The following GPHN variants were observed in gnomAD, a reference collection of about 807,000 sequenced individuals.
GPHN encodes gephyrin.
In GPHN, 17 loss-of-function variants were observed where a neutral mutation model predicts 95.5. The ratio of observed to expected loss-of-function variants is 0.18; its 90% confidence interval spans 0.12 to 0.27. The LOEUF (loss-of-function observed/expected upper bound fraction) is 0.27. Ranked by LOEUF, GPHN falls within the 10% of genes least tolerant of loss-of-function variation. GPHN has a pLI of 1.00. For missense variants in GPHN, 660 were observed against 978.1 expected, an observed-to-expected ratio of 0.67 and a Z score of 4.34; for synonymous variants, 320 against 322.5, an observed-to-expected ratio of 0.99 and a Z score of 0.08.
Position 67,100,925 on chromosome 14 carries a change from G to A in GPHN, c.1293+14G>A. On this transcript the variant is annotated intron_variant, in intron 13 of 22. Transcript: ENST00000478722. ...GCTGGTGAACAGGTGAGATTGATAG[G>A]CCTGAAAGGCACTGAAGATTTCAGC... 4 of 1,495,172 alleles carry A rather than the reference G, an allele frequency of 2.7e-6. No individual in the cohort carries two copies. The highest frequency in any genetic ancestry group is 3.7e-6 in the Non-Finnish European group (4 of 1,071,322). The allele number at this position is 1,495,172 out of a possible 1,614,324, so 92.6% of individuals were successfully genotyped here. A position where few individuals can be genotyped will look rare whatever the true frequency, so the allele number is the denominator to read the frequency against.
chr14:67,373,958 A>C, the GPHN span, among the ~76,000 whole-genome samples: 6 of 152,228 alleles, frequency 3.9e-5, no homozygotes, highest in Non-Finnish European at 8.8e-5. Flanking sequence ...AGGAAGAAAT[A>C]GGGGAAAGAT....
At chr14:66,591,696 A>G (rs979133329) in intron 1 of GPHN, among the ~76,000 whole-genome samples, 2 of 152,164 alleles carry the variant, frequency 1.3e-5, no homozygotes, top group Non-Finnish European at 2.9e-5. Context: ...CTCATGGATA[A>G]GAAGAATCAA....
chr14:67,333,390 G>A, the GPHN span: 1 of 153,682 alleles, frequency 6.5e-6, no homozygotes, highest in Non-Finnish European at 1.5e-5. Flanking sequence ...TTGAGCAGAG[G>A]GACTGTGCTT....
intron 2 of GPHN, among the ~76,000 whole-genome samples, chr14:66,749,223 T>C (rs766419379): frequency 5.5e-4 from 84 of 152,038 alleles, no homozygotes; most frequent in Non-Finnish European, 8.5e-4. Flanking sequence ...AAGAAATGAG[T>C]TGTTTATCAT....
the GPHN span, among the ~76,000 whole-genome samples, chr14:67,554,135 G>A: frequency 3.9e-5 from 6 of 152,292 alleles, no homozygotes; most frequent in East Asian, 7.7e-4. Flanking sequence ...AAAAATGGAT[G>A]AGGGAAGGCC....
the GPHN span, chr14:67,241,115 G>A: frequency 1.3e-5 from 2 of 152,248 alleles, no homozygotes; most frequent in South Asian, 4.1e-4. Flanking sequence ...CCGCGTTTTA[G>A]ACTTAGAGGC....
chr14:67,301,253 A>C, the GPHN span: 491 of 484,904 alleles, frequency 1.0e-3, 1 homozygote, highest in Middle Eastern at 6.3e-3. Context: ...AAACTCTAAT[A>C]ATTCTTTTTA....
At chr14:66,844,719 T>G (rs2062246803) in intron 4 of GPHN, among the ~76,000 whole-genome samples, 2 of 152,124 alleles carry the variant, frequency 1.3e-5, no homozygotes, top group South Asian at 4.1e-4. Flanking sequence ...TTTTTAAAAT[T>G]TTGGTAAAAT....
chr14:67,697,773 C>G, the GPHN span, among the ~76,000 whole-genome samples: 1 of 152,126 alleles, frequency 6.6e-6, no homozygotes, highest in African/African-American at 2.4e-5. Flanking sequence ...AATCCAGTTT[C>G]TTGGTAAGGG....
the GPHN span, among the ~76,000 whole-genome samples, chr14:67,619,594 C>T: frequency 6.6e-6 from 1 of 152,258 alleles, no homozygotes; most frequent in Non-Finnish European, 1.5e-5. Context: ...TCCTGCGTTC[C>T]GCCAAGTTCA....
chr14:67,255,850 G>A, the GPHN span, among the ~76,000 whole-genome samples: 1 of 152,060 alleles, frequency 6.6e-6, no homozygotes, highest in African/African-American at 2.4e-5. Context: ...ACTATGCCTG[G>A]CTAATTTTGT....
chr14:67,401,312 C>A, the GPHN span, among the ~76,000 whole-genome samples: 4 of 151,890 alleles, frequency 2.6e-5, no homozygotes, highest in South Asian at 2.1e-4. Flanking sequence ...CATAGGAAGA[C>A]CTCATCTCTA....
At chr14:67,394,401 A>G in the GPHN span, among the ~76,000 whole-genome samples, 2 of 151,990 alleles carry the variant, frequency 1.3e-5, no homozygotes, top group Admixed American at 1.3e-4. Context: ...GTCCCCAAAA[A>G]AGAAAAACAA....
At chr14:67,410,769 G>GT in the GPHN span, among the ~76,000 whole-genome samples, 1 of 152,190 alleles carries the variant, frequency 6.6e-6, no homozygotes, top group African/African-American at 2.4e-5. Context: ...AAACTCAGTA[G>GT]AAGAACCAGA....
At chr14:67,417,946 G>C in the GPHN span, among the ~76,000 whole-genome samples, 1 of 151,048 alleles carries the variant, frequency 6.6e-6, no homozygotes, top group East Asian at 2.0e-4. Context: ...AGGTCTCCCT[G>C]TGTTGCCCAG....
intron 2 of GPHN, among the ~76,000 whole-genome samples, chr14:66,682,121 C>T (rs958721572): frequency 1.3e-5 from 2 of 152,092 alleles, no homozygotes; most frequent in Admixed American, 6.6e-5. Context: ...TATGAGAGTG[C>T]TGAAAATGTA....
chr14:66,664,246 T>C (rs1393721189), intron 1 of GPHN, among the ~76,000 whole-genome samples: 1 of 152,114 alleles, frequency 6.6e-6, no homozygotes, highest in Admixed American at 6.6e-5. Flanking sequence ...ACTGCTCAGC[T>C]CAGCAAATAC....
rs11323905 is a variant in GPHN at position 66,762,558 on chromosome 14, TAAAA to T, written c.144-13890_144-13887del. On this transcript the variant is annotated intron_variant, in intron 2 of 22. Coordinates refer to ENST00000478722, the MANE Select transcript of GPHN (RefSeq NM_020806.5). ...GGATTTGCAGAGAAGTGTCACATAG[TAAAA>T]AAAAAAAAAAAAAAATCTGGGCTCT... Among the ~76,000 whole-genome samples, 444 of 143,366 alleles carry T rather than the reference TAAAA, an allele frequency of 3.1e-3. 1 individual carries two copies. Among genetic ancestry groups the T allele is most frequent in the East Asian group, 9.2e-3 (46 of 5,010 alleles). 94.1% of individuals were successfully genotyped at this position (143,366 alleles called of 152,430 possible).
At chr14:67,028,079 A>C (rs1298053876) in intron 10 of GPHN, among the ~76,000 whole-genome samples, 6 of 152,078 alleles carry the variant, frequency 3.9e-5, no homozygotes, top group Admixed American at 1.3e-4. Context: ...TCACTGCCTC[A>C]GTGAGGTCAA....
Sources: gnomAD v4.1 joint callset for allele counts (sites outside exome capture counted in the v4.1 genomes callset) on GRCh38, gnomAD v4.1.1 for gene constraint, MANE v1.5 for transcripts, NCBI Gene and HGNC (gene_info 2026-07-23, HGNC 2026-07-21) for gene names.